The following NOS1AP variants were observed in gnomAD, a reference collection of about 807,000 sequenced individuals.
NOS1AP encodes nitric oxide synthase 1 adaptor protein.
In NOS1AP, 21 loss-of-function variants were observed where a neutral mutation model predicts 56.2. The ratio of observed to expected loss-of-function variants is 0.37; its 90% CI spans 0.26 to 0.54. The LOEUF (loss-of-function observed/expected upper bound fraction) is 0.54. Ranked by LOEUF, NOS1AP falls within the 20% of genes least tolerant of loss-of-function variation. The pLI, the probability that NOS1AP is intolerant of heterozygous loss-of-function variation, is 0.84. For synonymous variants in NOS1AP, 270 were observed against 274.6 expected, an observed-to-expected ratio of 0.98 and a Z score of 0.17; for missense variants, 522 against 657.8, an observed-to-expected ratio of 0.79 and a Z score of 2.26.
intron 4 of NOS1AP, among the ~76,000 whole-genome samples, chr1:162,321,646 C>A (rs1158140103): frequency 6.6e-6 from 1 of 150,536 alleles, no homozygotes; most frequent in Admixed American, 6.6e-5. Context: ...TGCAGCACAC[C>A]AACATGGCAC....
At chr1:162,074,851 C>T (rs1691735410) in intron 1 of NOS1AP, among the ~76,000 whole-genome samples, 1 of 152,150 alleles carries the variant, frequency 6.6e-6, no homozygotes, top group Admixed American at 6.5e-5. Context: ...TCTTCACTGG[C>T]TGGCTTGGAT....
intron 1 of NOS1AP, among the ~76,000 whole-genome samples, chr1:162,111,208 A>G (rs956431911): frequency 1.3e-5 from 2 of 152,236 alleles, no homozygotes; most frequent in African/African-American, 4.8e-5. Flanking sequence ...CTGAGGTCAG[A>G]TAGGACTAGA....
chr1:162,164,577 T>C (rs76855197), intron 2 of NOS1AP, among the ~76,000 whole-genome samples: 7,139 of 152,282 alleles, frequency 0.047, 537 homozygotes, highest in African/African-American at 0.16. Context: ...TGAATTTGCC[T>C]AGCCTAGAAA....
intron 2 of NOS1AP, among the ~76,000 whole-genome samples, chr1:162,225,318 TTC>T (rs1652905635): frequency 6.6e-6 from 1 of 152,114 alleles, no homozygotes; most frequent in African/African-American, 2.4e-5. Flanking sequence ...GCACTGCCTC[TTC>T]CCTCACTCCC....
chr1:162,323,874 G>A (rs425820), intron 4 of NOS1AP, among the ~76,000 whole-genome samples: 149,169 of 152,306 alleles, frequency 0.98, 73,141 homozygotes, highest in Middle Eastern at 1. Flanking sequence ...AGGCATCTCA[G>A]TGTATACTGG....
chr1:162,080,291 C>G (rs554238307), intron 1 of NOS1AP, among the ~76,000 whole-genome samples: 1 of 152,176 alleles, frequency 6.6e-6, no homozygotes, highest in Admixed American at 6.5e-5. Flanking sequence ...AGAATTCCTA[C>G]TCTGTTAGTT....
At chr1:162,252,985 G>T (rs781378019) in intron 2 of NOS1AP, among the ~76,000 whole-genome samples, 1 of 152,110 alleles carries the variant, frequency 6.6e-6, no homozygotes, top group African/African-American at 2.4e-5. Context: ...CATGCCTGGT[G>T]CCTAATTGGT....
chr1:162,252,396 G>A (rs1653894778), intron 2 of NOS1AP, among the ~76,000 whole-genome samples: 2 of 152,114 alleles, frequency 1.3e-5, no homozygotes, highest in Admixed American at 1.3e-4. Flanking sequence ...GGAAGGAAAG[G>A]GGAGGTCTGG....
chr1:162,161,413 C>T (rs1468053651), intron 2 of NOS1AP, among the ~76,000 whole-genome samples: 1 of 152,208 alleles, frequency 6.6e-6, no homozygotes, highest in African/African-American at 2.4e-5. Flanking sequence ...CCTGTTTCTT[C>T]TGTTTACTAG....
intron 2 of NOS1AP, among the ~76,000 whole-genome samples, chr1:162,255,560 A>C (rs970781217): frequency 8.1e-6 from 1 of 123,862 alleles, no homozygotes; most frequent in Non-Finnish European, 1.6e-5. Context: ...TGAGCTATCC[A>C]CATTCTCCAA....
chr1:162,160,727 G>T (rs1650167266), intron 2 of NOS1AP, among the ~76,000 whole-genome samples: 1 of 152,114 alleles, frequency 6.6e-6, no homozygotes, highest in African/African-American at 2.4e-5. Context: ...TTCAGAGTTG[G>T]CAAGCCTACC....
chr1:162,278,433 G>T (rs1654812688), intron 2 of NOS1AP, among the ~76,000 whole-genome samples: 1 of 152,168 alleles, frequency 6.6e-6, no homozygotes, highest in South Asian at 2.1e-4. Context: ...CATGCAAATT[G>T]TTTAACCTAA....
chr1:162,197,491 C>A (rs1651847845), intron 2 of NOS1AP, among the ~76,000 whole-genome samples: 1 of 152,124 alleles, frequency 6.6e-6, no homozygotes, highest in African/African-American at 2.4e-5. Flanking sequence ...AGATCGGAGT[C>A]TCTGTGAAAT....
intron 1 of NOS1AP, among the ~76,000 whole-genome samples, chr1:162,077,966 C>T (rs1479679219): frequency 1.3e-5 from 2 of 152,160 alleles, no homozygotes; most frequent in Non-Finnish European, 2.9e-5. Flanking sequence ...CTTCTCTATC[C>T]TCATCCTTTT....
At chr1:162,250,455 G>A (rs1199444534) in intron 2 of NOS1AP, among the ~76,000 whole-genome samples, 1 of 152,202 alleles carries the variant, frequency 6.6e-6, no homozygotes, top group Admixed American at 6.5e-5. Flanking sequence ...AGAAGCAGGC[G>A]AATCCATTTC....
chr1:162,346,185 G>A (rs1403543692), intron 6 of NOS1AP, among the ~76,000 whole-genome samples: 1 of 152,160 alleles, frequency 6.6e-6, no homozygotes, highest in African/African-American at 2.4e-5. Flanking sequence ...TCCCTTCTAA[G>A]AATGAATCCT....
intron 4 of NOS1AP, among the ~76,000 whole-genome samples, chr1:162,316,410 T>C (rs563511588): frequency 1.3e-5 from 2 of 152,306 alleles, no homozygotes; most frequent in Admixed American, 1.3e-4. Context: ...CCTTTGAAAA[T>C]GCACACCCTC....
intron 6 of NOS1AP, among the ~76,000 whole-genome samples, chr1:162,352,417 G>C (rs1320636731): frequency 1.3e-5 from 2 of 149,774 alleles, no homozygotes; most frequent in Non-Finnish European, 3.0e-5. Flanking sequence ...ACTTGCCCCT[G>C]GTATTTTTTT....
chr1:162,132,627 C>T (rs1648801211), intron 1 of NOS1AP, among the ~76,000 whole-genome samples: 1 of 152,186 alleles, frequency 6.6e-6, no homozygotes, highest in Non-Finnish European at 1.5e-5. Context: ...AATCTTAGCT[C>T]ATTAAAGCAA....
Sources: allele counts gnomAD v4.1 joint callset (sites outside exome capture counted in the v4.1 genomes callset), GRCh38; gene constraint gnomAD v4.1.1; transcripts MANE v1.5; gene names NCBI Gene and HGNC (gene_info 2026-07-23, HGNC 2026-07-21).